BABAM2: variants seen among roughly 807,000 people sequenced by gnomAD.
BABAM2 encodes BRISC and BRCA1 A complex member 2, also known as BRISC and BRCA1-A complex member 2.
BABAM2 carries 31 observed loss-of-function variants against 54.7 expected under a neutral mutation model. That is an observed-to-expected ratio of 0.57 (90% confidence interval 0.43 to 0.77). The LOEUF is 0.77. BABAM2 is among the 30% of genes least tolerant of loss of function. The pLI, the probability that BABAM2 is intolerant of heterozygous loss-of-function variation, is 0.00. For synonymous variants in BABAM2, 167 were observed against 162.9 expected, an observed-to-expected ratio of 1.03 and a Z score of -0.19; for missense variants, 364 against 455.8, an observed-to-expected ratio of 0.80 and a Z score of 1.83.
At chr2:28,127,852 G>C (rs1462341739) in intron 6 of BABAM2, among the ~76,000 whole-genome samples, 1 of 150,904 alleles carries the variant, frequency 6.6e-6, no homozygotes, top group African/African-American at 2.4e-5. Context: ...TGTTGCCCAG[G>C]CTGGAGTGCA....
chr2:28,143,885 TC>T (rs149561420), intron 7 of BABAM2, among the ~76,000 whole-genome samples: 1 of 152,302 alleles, frequency 6.6e-6, no homozygotes, highest in African/African-American at 2.4e-5. Context: ...TGAAGTTCAT[TC>T]AGAAATAGAA....
intron 10 of BABAM2, among the ~76,000 whole-genome samples, chr2:28,295,192 AC>A (rs1438593280): frequency 8.5e-5 from 13 of 152,234 alleles, no homozygotes; most frequent in South Asian, 4.1e-4. Context: ...CTCATTTTCT[AC>A]AAAACAAAAT....
intron 6 of BABAM2, among the ~76,000 whole-genome samples, chr2:28,097,379 A>G (rs1359496370): frequency 6.6e-6 from 1 of 152,188 alleles, no homozygotes; most frequent in Non-Finnish European, 1.5e-5. Flanking sequence ...ACCCTGGCCT[A>G]ATTGCATTTT....
At chr2:28,076,904 G>A (rs993142117) in intron 6 of BABAM2, among the ~76,000 whole-genome samples, 2 of 152,110 alleles carry the variant, frequency 1.3e-5, no homozygotes, top group Admixed American at 6.5e-5. Flanking sequence ...CAGGCTCCAT[G>A]CCTTATTCAT....
intron 7 of BABAM2, among the ~76,000 whole-genome samples, chr2:28,157,950 C>T (rs924626930): frequency 1.3e-5 from 2 of 152,106 alleles, no homozygotes; most frequent in Admixed American, 6.6e-5. Context: ...TCAGGCAGGC[C>T]TGGGTTCTAA....
chr2:27,992,742 ACTT>A (rs1318605221), intron 4 of BABAM2, among the ~76,000 whole-genome samples: 7 of 152,082 alleles, frequency 4.6e-5, no homozygotes, highest in Non-Finnish European at 7.4e-5. Context: ...TTTAACTTGA[ACTT>A]CTTCTCTTTT....
At chr2:27,997,152 G>A (rs191011169) in intron 4 of BABAM2, among the ~76,000 whole-genome samples, 5 of 152,240 alleles carry the variant, frequency 3.3e-5, no homozygotes, top group Admixed American at 2.6e-4. Flanking sequence ...TTATTAAAAT[G>A]AAGATAACTG....
intron 4 of BABAM2, among the ~76,000 whole-genome samples, chr2:27,993,366 C>T (rs1008349285): frequency 1.3e-5 from 2 of 151,718 alleles, no homozygotes; most frequent in Non-Finnish European, 2.9e-5. Context: ...CTTTCCAGGA[C>T]TAGAAAATAC....
chr2:27,975,644 G>A (rs1410607547), intron 3 of BABAM2, among the ~76,000 whole-genome samples: 1 of 152,050 alleles, frequency 6.6e-6, no homozygotes, highest in Admixed American at 6.6e-5. Context: ...CTTGGGCTGG[G>A]CATTGAGTTA....
intron 7 of BABAM2, among the ~76,000 whole-genome samples, chr2:28,203,760 G>C (rs1005411382): frequency 6.6e-6 from 1 of 152,134 alleles, no homozygotes; most frequent in African/African-American, 2.4e-5. Flanking sequence ...TGTTGAACCT[G>C]ATTGCCATGT....
Position 28,338,900 on chromosome 2 carries a change from A to T in BABAM2, c.*387A>T, listed in dbSNP as rs1350199096. ...ATGCCCCTCGCTGTTCTTCCTCTGA[A>T]ACTAGTGTCTTCCCTCTGTGCGTGC... is the stretch of plus-strand genomic sequence containing the variant. On this transcript the variant is annotated 3_prime_UTR_variant, in exon 12 of 12. Coordinates refer to ENST00000379624, the MANE Select transcript of BABAM2 (RefSeq NM_199191.3). 1 of 236,866 alleles carries T rather than the reference A, an allele frequency of 4.2e-6. No homozygotes were observed. Among genetic ancestry groups the T allele is most frequent in the African/African-American group, 2.3e-5 (1 of 43,496 alleles). The allele number at this position is 236,866 out of a possible 1,614,324, so 14.7% of individuals were successfully genotyped here.
At position 28,316,486 on chromosome 2, in the gene BABAM2, C is replaced by T. The variant is rs143112588; in HGVS notation, c.1088+17995C>T. Among the ~76,000 whole-genome samples the T allele has an allele frequency of 3.9e-5, 6 of 151,932 alleles. No homozygotes were observed. The East Asian group carries it at 1.2e-3, about 29-fold the overall frequency. ...GAAGAATGTCTTACCCCAGCCTTCA[C>T]ATATCCTCAGCCCCCTCTGTCTGGG... is the stretch of plus-strand genomic sequence containing the variant. On this transcript the variant is annotated intron_variant, in intron 11 of 11. Transcript: ENST00000379624.
chr2:28,120,811 A>G (rs1406751642), intron 6 of BABAM2, among the ~76,000 whole-genome samples: 1 of 152,210 alleles, frequency 6.6e-6, no homozygotes, highest in Non-Finnish European at 1.5e-5. Flanking sequence ...ATCACATTGT[A>G]ATTGAAAGGA....
At chr2:28,024,035 C>T (rs1464530644) in intron 4 of BABAM2, among the ~76,000 whole-genome samples, 1 of 152,130 alleles carries the variant, frequency 6.6e-6, no homozygotes, top group Non-Finnish European at 1.5e-5. Flanking sequence ...CCACAGCAGA[C>T]GTCAAGCTAT....
chr2:28,056,097 G>A (rs534125236), intron 6 of BABAM2, among the ~76,000 whole-genome samples: 116 of 152,228 alleles, frequency 7.6e-4, no homozygotes, highest in African/African-American at 2.7e-3. Flanking sequence ...GGGTGGTGGT[G>A]AGTGGTGAAT....
chr2:28,144,313 T>C (rs149093565), intron 7 of BABAM2, among the ~76,000 whole-genome samples: 16 of 152,300 alleles, frequency 1.1e-4, no homozygotes, highest in African/African-American at 3.8e-4. Flanking sequence ...CTCTAGATAC[T>C]GTGCACAGGG....
intron 6 of BABAM2, among the ~76,000 whole-genome samples, chr2:28,071,086 T>C (rs1460503460): frequency 6.6e-6 from 1 of 152,126 alleles, no homozygotes; most frequent in East Asian, 1.9e-4. Flanking sequence ...CTTCTCTCCA[T>C]GTGCCCCATC....
chr2:28,066,264 G>A (rs1202682794), intron 6 of BABAM2, among the ~76,000 whole-genome samples: 1 of 151,872 alleles, frequency 6.6e-6, no homozygotes, highest in Non-Finnish European at 1.5e-5. Flanking sequence ...CTATGCTGAC[G>A]TATATATGTT....
chr2:28,037,887 G>T (rs965977505), intron 5 of BABAM2, among the ~76,000 whole-genome samples: 1 of 152,178 alleles, frequency 6.6e-6, no homozygotes, highest in Non-Finnish European at 1.5e-5. Context: ...TTGATACTTG[G>T]AAGAAGGGAA....
Sources: gnomAD v4.1 joint callset for allele counts (sites outside exome capture counted in the v4.1 genomes callset) on GRCh38, gnomAD v4.1.1 for gene constraint, MANE v1.5 for transcripts, NCBI Gene and HGNC (gene_info 2026-07-23, HGNC 2026-07-21) for gene names.